The following PIWIL3 variants were observed in gnomAD, a reference collection of about 807,000 sequenced individuals.
PIWIL3 encodes piwi like RNA-mediated gene silencing 3.
A neutral mutation model predicts 109.7 loss-of-function variants in PIWIL3; 101 were observed. The ratio of observed to expected loss-of-function variants is 0.92; its 90% CI spans 0.78 to 1.09. PIWIL3 has a LOEUF of 1.09. Ranked by LOEUF, PIWIL3 falls within the 50% of genes least tolerant of loss-of-function variation. The pLI, the probability that PIWIL3 is intolerant of heterozygous loss-of-function variation, is 0.00. For synonymous variants in PIWIL3, 373 were observed against 376.4 expected, an observed-to-expected ratio of 0.99 and a Z score of 0.10; for missense variants, 1,031 against 1,072.6, an observed-to-expected ratio of 0.96 and a Z score of 0.54.
rs1254634838 is a variant in PIWIL3, at chr22:24,757,926, CA to C, written c.336del (p.His112GlnfsTer23). On this transcript the variant is annotated frameshift_variant, in exon 4 of 21. Transcript: ENST00000616349. LOFTEE classifies it high-confidence loss of function. ...AACATACCTGTTTTTGAGTCTTTAACATGCTTCATATCTTGCCTGGTGTTCA... is the reference window on the plus strand; with the variant it reads ...AACATACCTGTTTTTGAGTCTTTAACTGCTTCATATCTTGCCTGGTGTTCA... ...LVVNTRQDMK[H>X]VKDSKTGSEG... is the part of the protein sequence containing the mutation. The C allele has an allele frequency of 6.2e-7, 1 of 1,609,504 alleles. No individual in the cohort carries two copies. Among genetic ancestry groups the C allele is most frequent in the African/African-American group, 1.3e-5 (1 of 74,406 alleles).
At chr22:24,761,823 G>A in intron 2 of PIWIL3, 2 of 438,242 alleles carry the variant, frequency 4.6e-6, no homozygotes, top group Non-Finnish European at 6.1e-6. Flanking sequence ...AGGAATTGAG[G>A]TTGGAGGGCT....
At position 24,751,442 on chromosome 22, in the gene PIWIL3, T is replaced by C. The variant is rs747367221; in HGVS notation, c.1034A>G (p.Asp345Gly). The part of the protein sequence containing the change: ...DDIDWKQNPE[D>G]TFNKSDGSKI... ...GCTGCCATCTGATTTGTTAAATGTGTCTTCAGGATTCTGCTTCCAATCAAT... is the reference window on the plus strand; with the variant it reads ...GCTGCCATCTGATTTGTTAAATGTGCCTTCAGGATTCTGCTTCCAATCAAT... The change falls in exon 9 of 21, where the codon GAC becomes GGC. Residue 345 changes from aspartate to glycine, a missense_variant. Asp to Gly is a moderately conservative substitution (Grantham distance 94). Coordinates refer to ENST00000616349, the MANE Select transcript of PIWIL3 (RefSeq NM_001255975.1). The C allele has an allele frequency of 1.2e-6, 2 of 1,613,924 alleles. No homozygotes were observed. The highest frequency in any genetic ancestry group is 2.7e-5 in the African/African-American group (2 of 74,930).
intron 12 of PIWIL3, among the ~76,000 whole-genome samples, chr22:24,741,605 C>A (rs1020165495): frequency 2.6e-5 from 4 of 151,736 alleles, no homozygotes; most frequent in African/African-American, 9.7e-5. Flanking sequence ...GTAATAAAAG[C>A]CATAGGATAT....
intron 2 of PIWIL3, among the ~76,000 whole-genome samples, chr22:24,760,803 AGCTGTG>A (rs1925390449): frequency 6.8e-6 from 1 of 146,782 alleles, no homozygotes; most frequent in Non-Finnish European, 1.5e-5. Flanking sequence ...AAAAAAAAAA[AGCTGTG>A]ACAGGATACC....
In PIWIL3 at chr22:24,719,306, A is replaced by G; in HGVS notation, c.*166T>C. 1 of 433,368 alleles carries G rather than the reference A, an allele frequency of 2.3e-6. No individual in the cohort carries two copies. Among genetic ancestry groups the G allele is most frequent in the Non-Finnish European group, 4.1e-6 (1 of 243,556 alleles). The allele number at this position is 433,368 out of a possible 1,614,324, so 26.8% of individuals were successfully genotyped here. ...CTCTCTGGAAAAATCAGTCTGTGGTAGTATTGAGAGTAGAACATATCACTC... is the reference window on the plus strand; with the variant it reads ...CTCTCTGGAAAAATCAGTCTGTGGTGGTATTGAGAGTAGAACATATCACTC... On this transcript the variant is annotated 3_prime_UTR_variant, in exon 21 of 21. Transcript: ENST00000616349.
chr22:24,771,424 C>T (rs995590823), intron 1 of PIWIL3, among the ~76,000 whole-genome samples: 1 of 150,500 alleles, frequency 6.6e-6, no homozygotes, highest in Admixed American at 6.6e-5. Context: ...CTTTTGTGAG[C>T]CAAGATCACA....
At chr22:24,767,492 A>T (rs1925868400) in intron 1 of PIWIL3, among the ~76,000 whole-genome samples, 1 of 151,886 alleles carries the variant, frequency 6.6e-6, no homozygotes, top group African/African-American at 2.4e-5. Context: ...TGGAGGTTGC[A>T]GTGAGCTGAG....
Position 24,719,504 on chromosome 22 carries a change from G to T in PIWIL3, c.2590C>A (p.Arg864Ser). 2 of 1,600,090 alleles carry T rather than the reference G, an allele frequency of 1.2e-6. No individual in the cohort carries two copies. Among genetic ancestry groups the T allele is most frequent in the South Asian group, 2.3e-5 (2 of 88,064 alleles). Residue 864 changes from arginine (R) to serine (S), a missense_variant, in exon 21 of 21, where the codon CGT (arginine) becomes AGT (serine). By Grantham distance (110) the Arg-to-Ser change is moderately radical. Coordinates refer to ENST00000616349, the MANE Select transcript of PIWIL3 (RefSeq NM_001255975.1). ...VGQSIHQEPN[R>S]SLSTRLFYL ...TAAAAGAGACGAGTTGACAAGGAAC[G>T]ATTCGGTTCCTGGTGAATGGACTGC...
At chr22:24,725,303 A>G in intron 17 of PIWIL3, 142 bp downstream of exon 17, 1 of 1,046,150 alleles carries the variant, frequency 9.6e-7, no homozygotes, top group South Asian at 1.5e-5. Flanking sequence ...ACTAGACTCA[A>G]TGCCAGTAGC....
chr22:24,757,659 TAC>T (rs57298578), intron 4 of PIWIL3, among the ~76,000 whole-genome samples: 26,093 of 109,202 alleles, frequency 0.24, 3,120 homozygotes, highest in Non-Finnish European at 0.27. Context: ...ATGTATATAT[TAC>T]ACACACACAC....
intron 17 of PIWIL3, 33 bp downstream of exon 17, chr22:24,725,412 T>C (rs1922930186): frequency 6.2e-6 from 10 of 1,606,142 alleles, no homozygotes; most frequent in Non-Finnish European, 8.5e-6. Context: ...ACTTGTATAG[T>C]GTCGGGTTCC....
Position 24,719,895 on chromosome 22 carries a change from C to T in PIWIL3, c.2358G>A (p.Trp786Ter). 3 of 1,607,148 alleles carry T rather than the reference C, an allele frequency of 1.9e-6. No homozygotes were observed. Among genetic ancestry groups the T allele is most frequent in the Non-Finnish European group, 2.6e-6 (3 of 1,175,024 alleles). ...ACTGACTCACAATAAAAAAGTCATA[C>T]CTGGAAATATAGGACATGTGGGTAT... ...VIDVELTRNE[W>*]YDFFIVSQSV... is the part of the protein sequence containing the mutation. The change falls in exon 20 of 21, where the codon TGG (tryptophan) becomes TGA (stop). Residue 786 changes from tryptophan (W) to a stop codon, truncating the protein, a stop_gained and splice_region_variant. Coordinates refer to ENST00000616349, the MANE Select transcript of PIWIL3 (RefSeq NM_001255975.1). LOFTEE classifies it high-confidence loss of function.
intron 8 of PIWIL3, among the ~76,000 whole-genome samples, chr22:24,753,295 T>G (rs142081903): frequency 2.6e-5 from 4 of 152,240 alleles, no homozygotes; most frequent in Non-Finnish European, 4.4e-5. Flanking sequence ...CTAGGTCTAT[T>G]GAGTTGGTTT....
At position 24,757,489 on chromosome 22, in the gene PIWIL3, C is replaced by T. The variant is rs116525617; in HGVS notation, c.355+419G>A. Among the ~76,000 whole-genome samples the T allele has an allele frequency of 6.8e-3, 1,025 of 151,838 alleles. 11 individuals are homozygous for T. Among genetic ancestry groups the T allele is most frequent in the African/African-American group, 0.021 (883 of 41,382 alleles). On this transcript the variant is annotated intron_variant, in intron 4 of 20. Coordinates refer to ENST00000616349, the MANE Select transcript of PIWIL3 (RefSeq NM_001255975.1). ...TTCCAGAATCTATTAAAGTTTTTAT[C>T]GAAAGTTTAAAATGGGCCAGGTGTG...
At chr22:24,762,546 A>T (rs200485189) in intron 1 of PIWIL3, 25 bp from the exon 2 acceptor site, 3 of 1,553,580 alleles carry the variant, frequency 1.9e-6, no homozygotes, top group East Asian at 2.3e-5. Flanking sequence ...TATATTAGAC[A>T]TCTCTGTGGA....
At chr22:24,739,595 T>C (rs1316515117) in intron 12 of PIWIL3, among the ~76,000 whole-genome samples, 3 of 151,652 alleles carry the variant, frequency 2.0e-5, no homozygotes, top group Non-Finnish European at 4.4e-5. Flanking sequence ...CCAGTAAAAA[T>C]ATCCTTCAAA....
At chr22:24,733,476 A>C (rs530609213) in intron 14 of PIWIL3, among the ~76,000 whole-genome samples, 1 of 152,286 alleles carries the variant, frequency 6.6e-6, no homozygotes, top group African/African-American at 2.4e-5. Context: ...AGATCACTGG[A>C]GGTCAGGAGT....
chr22:24,753,440 C>T (rs941406121), intron 8 of PIWIL3, among the ~76,000 whole-genome samples: 6 of 152,136 alleles, frequency 3.9e-5, no homozygotes, highest in Non-Finnish European at 5.9e-5. Context: ...AGTCAGCTGA[C>T]GAAGTGGAGG....
chr22:24,725,503 T>C lies in PIWIL3; in HGVS notation c.2022A>G (p.Gln674=), dbSNP rs1289135950. ...TNAELTKWYS[Q]CVIQKTGEEL... is the part of the protein sequence containing the mutation. ...CTTCTCCTGTTTTCTGGATGACACATTGAGAGTACCACCTGTTCACAGAAA... is the reference window on the plus strand; with the variant it reads ...CTTCTCCTGTTTTCTGGATGACACACTGAGAGTACCACCTGTTCACAGAAA... The change falls in exon 17 of 21, where the codon CAA becomes CAG. Residue 674 remains glutamine, a synonymous_variant. Transcript: ENST00000616349. 4 of 1,613,976 alleles carry C rather than the reference T, an allele frequency of 2.5e-6. No homozygotes were observed. Among genetic ancestry groups the C allele is most frequent in the East Asian group, 2.2e-5 (1 of 44,900 alleles).
Sources: allele counts gnomAD v4.1 joint callset (sites outside exome capture counted in the v4.1 genomes callset), GRCh38; gene constraint gnomAD v4.1.1; transcripts MANE v1.5; gene names NCBI Gene and HGNC (gene_info 2026-07-23, HGNC 2026-07-21).